The following DPYD variants were observed in gnomAD, a reference collection of about 807,000 sequenced individuals.
DPYD encodes dihydropyrimidine dehydrogenase.
DPYD carries 109 observed loss-of-function variants against 116.2 expected under a neutral mutation model. That is an observed-to-expected ratio of 0.94 (90% confidence interval 0.80 to 1.10). The LOEUF is 1.10. Ranked by LOEUF, DPYD falls within the 50% of genes least tolerant of loss-of-function variation. The probability of loss-of-function intolerance (pLI) is 0.00; values close to 1 mark genes in which losing one functional copy is unlikely to be tolerated. For synonymous variants in DPYD, 440 were observed against 432.0 expected, an observed-to-expected ratio of 1.02 and a Z score of -0.23; for missense variants, 1,302 against 1,254.5, an observed-to-expected ratio of 1.04 and a Z score of -0.57.
chr1:97,283,822 G>C (rs1019963858), intron 18 of DPYD, among the ~76,000 whole-genome samples: 1 of 152,098 alleles, frequency 6.6e-6, no homozygotes, highest in African/African-American at 2.4e-5. Flanking sequence ...GCAATTGTTT[G>C]TGTGTCTACT....
chr1:97,350,284 A>C (rs1199111814), intron 16 of DPYD, among the ~76,000 whole-genome samples: 1 of 152,202 alleles, frequency 6.6e-6, no homozygotes, highest in Non-Finnish European at 1.5e-5. Flanking sequence ...CTTTTGTCCA[A>C]AATGTCTTAT....
intron 14 of DPYD, among the ~76,000 whole-genome samples, chr1:97,413,400 C>T (rs1674115466): frequency 6.6e-6 from 1 of 152,138 alleles, no homozygotes; most frequent in Admixed American, 6.5e-5. Context: ...CGGATTTTTG[C>T]TATCTATTTA....
rs146009839 is a variant in DPYD at position 97,682,855 on chromosome 1, G to A, written c.763-3673C>T. Among the ~76,000 whole-genome samples the A allele has an allele frequency of 6.5e-3, 985 of 151,710 alleles. 6 individuals carry two copies. The highest frequency in any genetic ancestry group is 0.011 in the Non-Finnish European group (716 of 67,876). ...TATTAGATATTTCCTACCTAAATTC[G>A]GAATACAAATTCAATCTATTTCAAG... On this transcript the variant is annotated intron_variant, in intron 7 of 22. Transcript: ENST00000370192.
At chr1:97,284,156 C>T (rs1665509669) in intron 18 of DPYD, among the ~76,000 whole-genome samples, 1 of 152,090 alleles carries the variant, frequency 6.6e-6, no homozygotes, top group Non-Finnish European at 1.5e-5. Flanking sequence ...TACGTCACTT[C>T]TTTCATGTTA....
intron 18 of DPYD, among the ~76,000 whole-genome samples, chr1:97,261,644 G>A (rs145892973): frequency 6.6e-6 from 1 of 151,976 alleles, no homozygotes; most frequent in East Asian, 1.9e-4. Context: ...ACTTCTGAAG[G>A]TAGCAAAGGG....
At chr1:97,401,109 T>C (rs1570672716) in intron 14 of DPYD, among the ~76,000 whole-genome samples, 1 of 152,164 alleles carries the variant, frequency 6.6e-6, no homozygotes, top group South Asian at 2.1e-4. Flanking sequence ...TCTGTTTATC[T>C]TCTTTGATGA....
intron 4 of DPYD, 142 bp from the exon 5 acceptor site, chr1:97,721,813 A>G (rs1571247480): frequency 2.7e-6 from 2 of 734,526 alleles, no homozygotes; most frequent in Non-Finnish European, 4.5e-6. Context: ...CAATACTACT[A>G]TCAGGAACCA....
At chr1:97,599,155 C>T (rs1655084205) in intron 8 of DPYD, among the ~76,000 whole-genome samples, 1 of 152,200 alleles carries the variant, frequency 6.6e-6, no homozygotes, top group Admixed American at 6.5e-5. Flanking sequence ...ATTATTTTCT[C>T]CAGTACAATC....
chr1:97,907,692 T>G (rs1424766801), intron 1 of DPYD, among the ~76,000 whole-genome samples: 3 of 152,072 alleles, frequency 2.0e-5, no homozygotes, highest in Non-Finnish European at 4.4e-5. Context: ...CCCTGCTTCC[T>G]CCTCCCTCCC....
chr1:97,596,945 G>A (rs1047922618), intron 8 of DPYD, among the ~76,000 whole-genome samples: 1 of 152,162 alleles, frequency 6.6e-6, no homozygotes, highest in African/African-American at 2.4e-5. Flanking sequence ...CAGCTTCTCT[G>A]TAAAGGAAAT....
chr1:97,135,677 T>TC (rs1333885864), intron 20 of DPYD, among the ~76,000 whole-genome samples: 8 of 152,184 alleles, frequency 5.3e-5, no homozygotes, highest in Non-Finnish European at 7.3e-5. Flanking sequence ...GTGTCTTTTT[T>TC]CTTTCCAAGT....
intron 20 of DPYD, among the ~76,000 whole-genome samples, chr1:97,124,232 T>C (rs1652664016): frequency 1.3e-5 from 2 of 152,024 alleles, no homozygotes; most frequent in African/African-American, 4.8e-5. Flanking sequence ...CTGCTCTAAA[T>C]AGCACAGATT....
intron 8 of DPYD, among the ~76,000 whole-genome samples, chr1:97,647,388 C>A (rs956883722): frequency 1.3e-5 from 2 of 151,804 alleles, no homozygotes; most frequent in African/African-American, 2.4e-5. Context: ...AAGATAAATT[C>A]TCTTGGGTTG....
intron 1 of DPYD, among the ~76,000 whole-genome samples, chr1:97,919,226 A>G (rs1209463339): frequency 6.6e-6 from 1 of 152,234 alleles, no homozygotes; most frequent in Admixed American, 6.5e-5. Flanking sequence ...TGAACTACAT[A>G]AGAGCTGAAG....
At chr1:97,701,769 C>A (rs1306091783) in intron 5 of DPYD, among the ~76,000 whole-genome samples, 1 of 151,794 alleles carries the variant, frequency 6.6e-6, no homozygotes, top group Non-Finnish European at 1.5e-5. Flanking sequence ...GAAAGGTCCT[C>A]ATAAATGGTC....
intron 4 of DPYD, among the ~76,000 whole-genome samples, chr1:97,732,021 A>T (rs760852162): frequency 2.0e-5 from 3 of 152,138 alleles, no homozygotes; most frequent in Non-Finnish European, 2.9e-5. Flanking sequence ...GTATAATAAA[A>T]ATCCTTTCTC....
chr1:97,408,118 C>G (rs1673780819), intron 14 of DPYD, among the ~76,000 whole-genome samples: 1 of 152,116 alleles, frequency 6.6e-6, no homozygotes, highest in Non-Finnish European at 1.5e-5. Flanking sequence ...ACTACAACAA[C>G]CCAATCCAGG....
At chr1:97,561,014 C>G (rs1652107001) in intron 11 of DPYD, among the ~76,000 whole-genome samples, 1 of 152,032 alleles carries the variant, frequency 6.6e-6, no homozygotes, top group African/African-American at 2.4e-5. Context: ...GCAAGTGAGA[C>G]AAGAGAGGAA....
In DPYD at chr1:97,699,408, C is replaced by G; in HGVS notation, c.623G>C (p.Arg208Pro). ...ASISCASFLA[R>P]LGYSDITIFE... ...TATAGTGATGTCAGAGTACCCCAAT[C>G]GAGCCAAAAAGGAAGCACAACTTAT... The change falls in exon 6 of 23, where the codon CGA becomes CCA. Residue 208 changes from arginine to proline, a missense_variant. Physicochemically the swap from Arg to Pro is moderately radical, Grantham distance 103 (BLOSUM62 -2). Coordinates refer to ENST00000370192, the MANE Select transcript of DPYD (RefSeq NM_000110.4). 1.2e-6 allele frequency: 2 copies of G among 1,613,612 alleles called. No individual in the cohort carries two copies. The highest frequency in any genetic ancestry group is 1.7e-6 in the Non-Finnish European group (2 of 1,179,678).
Sources: gnomAD v4.1 joint callset for allele counts (sites outside exome capture counted in the v4.1 genomes callset) on GRCh38, gnomAD v4.1.1 for gene constraint, MANE v1.5 for transcripts, NCBI Gene and HGNC (gene_info 2026-07-23, HGNC 2026-07-21) for gene names.